Variants in NFASC observed in about 807,000 individuals in gnomAD.
NFASC encodes neurofascin.
Under a neutral mutation model 147.5 loss-of-function variants are expected in NFASC, and 43 were observed. That is an observed-to-expected ratio of 0.29 (90% confidence interval 0.23 to 0.38). The LOEUF is 0.38. NFASC is among the 10% of genes least tolerant of loss of function. The pLI is 1.00. For synonymous variants in NFASC, 622 were observed against 665.5 expected (o/e 0.93, Z 1.01); for missense variants, 1,320 against 1,689.0 (o/e 0.78, Z 3.83).
chr1:204,996,353 C>T (rs748408856), intron 24 of NFASC, among the ~76,000 whole-genome samples: 86 of 152,244 alleles, frequency 5.6e-4, no homozygotes, highest in Admixed American at 1.1e-3. Context: ...CTGCTGAGTG[C>T]GGGTTATTCC....
intron 1 of NFASC, among the ~76,000 whole-genome samples, chr1:204,910,274 A>C (rs1356124651): frequency 1.3e-5 from 2 of 152,122 alleles, no homozygotes; most frequent in Non-Finnish European, 2.9e-5. Flanking sequence ...GTGTAGTTTT[A>C]GCATACATGT....
At chr1:204,835,509 G>A (rs1051948961) in intron 1 of NFASC, among the ~76,000 whole-genome samples, 6 of 152,102 alleles carry the variant, frequency 3.9e-5, no homozygotes, top group East Asian at 3.9e-4. Context: ...GATTACAGGC[G>A]TGAGCCACTG....
chr1:204,924,078 C>G (rs149219980), intron 2 of NFASC, among the ~76,000 whole-genome samples: 186 of 152,340 alleles, frequency 1.2e-3, no homozygotes, highest in African/African-American at 4.4e-3. Context: ...TAAGCACTTG[C>G]AGCCGCCAGC....
In NFASC at chr1:204,974,817, G is replaced by A; in HGVS notation, c.1552G>A (p.Val518Ile). The A allele has an allele frequency of 6.2e-7, 1 of 1,614,030 alleles. No homozygotes were observed. The highest frequency in any genetic ancestry group is 8.5e-7 in the Non-Finnish European group (1 of 1,180,000). Residue 518 changes from valine to isoleucine, a missense_variant, in exon 14 of 30, where the codon GTC becomes ATC. Val to Ile is a conservative substitution (Grantham distance 29). This residue lies in a region of NFASC where 981 missense variants were observed against 1,289.5 expected (regional missense o/e 0.76). Transcript: ENST00000339876. ...GKAENQVRLEVKDPTRIYRMP... is the reference protein window; with the variant it reads ...GKAENQVRLEIKDPTRIYRMP... Reference sequence around the variant, plus strand: ...AGCTGAAAACCAAGTCCGCCTGGAGGTCAAAGGTAAAGGAGAGGGTTCGCC... The same window carrying A: ...AGCTGAAAACCAAGTCCGCCTGGAGATCAAAGGTAAAGGAGAGGGTTCGCC...
chr1:204,843,614 TC>T (rs1676033065), intron 1 of NFASC, among the ~76,000 whole-genome samples: 1 of 105,070 alleles, frequency 9.5e-6, no homozygotes. Context: ...CTTCCTTCCT[TC>T]CTTCCTTCCT....
At position 205,010,147 on chromosome 1, in the gene NFASC, G is replaced by A. The variant is rs1030860290; in HGVS notation, c.3421+459G>A. Reference sequence around the variant, plus strand: ...ACATGAGAGAGTTCCAGAGGTGGGCGCTCAGCAGGACAACAGTGTAACTGC... The same window carrying A: ...ACATGAGAGAGTTCCAGAGGTGGGCACTCAGCAGGACAACAGTGTAACTGC... On this transcript the variant is annotated intron_variant, in intron 28 of 29. Coordinates refer to ENST00000339876, the MANE Select transcript of NFASC (RefSeq NM_001005388.3). The surrounding 1 kb of genome is among the most constrained non-coding windows in gnomAD (Gnocchi z 4.1). The A allele has an allele frequency of 2.8e-5, 5 of 179,616 alleles. No individual in the cohort carries two copies. Among genetic ancestry groups the A allele is most frequent in the African/African-American group, 4.7e-5 (2 of 42,650 alleles). 11.1% of individuals were successfully genotyped at this position (179,616 alleles called of 1,614,324 possible).
intron 1 of NFASC, among the ~76,000 whole-genome samples, chr1:204,885,313 G>A (rs548081473): frequency 1.8e-4 from 27 of 152,180 alleles, no homozygotes; most frequent in African/African-American, 4.8e-4. Flanking sequence ...TGTTCCAGCC[G>A]TGGGCCAGCA....
At chr1:204,899,401 C>T (rs1430267402) in intron 1 of NFASC, among the ~76,000 whole-genome samples, 5 of 139,422 alleles carry the variant, frequency 3.6e-5, no homozygotes, top group Admixed American at 2.1e-4. Flanking sequence ...GGGCTGAGGC[C>T]GGCAGCTGGG....
chr1:204,938,255 A>G (rs941509411), intron 2 of NFASC, among the ~76,000 whole-genome samples: 1 of 152,214 alleles, frequency 6.6e-6, no homozygotes, highest in Non-Finnish European at 1.5e-5. Flanking sequence ...GGCTGTGACC[A>G]TGGATGCGTC....
At chr1:204,848,209 A>G (rs1009772256) in intron 1 of NFASC, among the ~76,000 whole-genome samples, 10 of 152,158 alleles carry the variant, frequency 6.6e-5, no homozygotes, top group Admixed American at 5.2e-4. Flanking sequence ...AGTTAGATGC[A>G]GTCCCCTTTT....
intron 1 of NFASC, 75 bp downstream of exon 1, chr1:204,828,857 C>A: frequency 2.1e-6 from 2 of 956,232 alleles, no homozygotes; most frequent in Non-Finnish European, 2.5e-6. Flanking sequence ...CCCTTGTTCC[C>A]GCCCTCGTCT....
intron 1 of NFASC, among the ~76,000 whole-genome samples, chr1:204,912,215 A>G (rs1192092735): frequency 6.6e-6 from 1 of 151,446 alleles, no homozygotes; most frequent in Non-Finnish European, 1.5e-5. Flanking sequence ...TAGTTCCTCG[A>G]GGTGGGACCT....
At chr1:205,002,539 C>T (rs769096667) in intron 26 of NFASC, 57 bp from the exon 27 acceptor site, 448 of 1,367,220 alleles carry the variant, frequency 3.3e-4, no homozygotes, top group Non-Finnish European at 4.1e-4. Context: ...GACCTAAGCA[C>T]TGGCTCTCCA....
rs563797116 is a variant in NFASC at position 204,881,346 on chromosome 1, A to G, written c.-199-39286A>G. ...CAGTTCAGGTTGGGGAGGCCTCTCT[A>G]TTGGTGACAGATGCATAGCTCCCTC... On this transcript the variant is annotated intron_variant, in intron 1 of 29. Coordinates refer to ENST00000339876, the MANE Select transcript of NFASC (RefSeq NM_001005388.3). 1.5e-3 allele frequency among the ~76,000 whole-genome samples: 227 copies of G among 152,324 alleles called. 1 individual carries two copies. The highest frequency in any genetic ancestry group is 4.7e-3 in the African/African-American group (194 of 41,574).
At chr1:205,011,329 G>A (rs1460878612) in intron 28 of NFASC, among the ~76,000 whole-genome samples, 1 of 152,154 alleles carries the variant, frequency 6.6e-6, no homozygotes, top group Non-Finnish European at 1.5e-5. Flanking sequence ...GTGAGGGAGG[G>A]CAGGAAATGA....
intron 1 of NFASC, among the ~76,000 whole-genome samples, chr1:204,916,996 G>T (rs2089433825): frequency 1.3e-5 from 2 of 152,274 alleles, no homozygotes; most frequent in African/African-American, 2.4e-5. Flanking sequence ...TGGGAGAATT[G>T]CTTGAGTTCA....
chr1:204,829,056 G>T (rs557600096), intron 1 of NFASC, among the ~76,000 whole-genome samples: 17 of 44,676 alleles, frequency 3.8e-4, no homozygotes, highest in African/African-American at 1.3e-3. Context: ...CCCCCTTCCC[G>T]CATCCTCAAC....
intron 1 of NFASC, among the ~76,000 whole-genome samples, chr1:204,873,032 A>G (rs1039689509): frequency 6.6e-5 from 10 of 152,316 alleles, no homozygotes; most frequent in Middle Eastern, 3.4e-3. Flanking sequence ...GCTTGCTGCC[A>G]TGTTGCCTCT....
chr1:204,938,100 A>G (rs2093030697), intron 2 of NFASC, among the ~76,000 whole-genome samples: 1 of 152,224 alleles, frequency 6.6e-6, no homozygotes, highest in African/African-American at 2.4e-5. Context: ...GGCTGTGGGA[A>G]TGTGAGGAGC....
Sources: allele counts gnomAD v4.1 joint callset (sites outside exome capture counted in the v4.1 genomes callset), GRCh38; gene constraint gnomAD v4.1.1; regional missense constraint gnomAD v4.1.1; non-coding constraint Gnocchi (gnomAD v3.1); transcripts MANE v1.5; gene names NCBI Gene and HGNC (gene_info 2026-07-23, HGNC 2026-07-21).